SPAG16: variants seen among roughly 807,000 people sequenced by gnomAD.
The protein encoded by SPAG16 is sperm associated antigen 16, also known as sperm-associated antigen 16 protein.
SPAG16 carries 86 observed loss-of-function variants against 80.4 expected under a neutral mutation model. That is an observed-to-expected ratio of 1.07 (90% CI 0.90 to 1.28). The LOEUF is 1.28. SPAG16 is among the 50% of genes most tolerant of loss of function. SPAG16 has a pLI of 0.00. For missense variants in SPAG16, 870 were observed against 765.3 expected, an observed-to-expected ratio of 1.14 and a Z score of -1.61; for synonymous variants, 294 against 265.9, an observed-to-expected ratio of 1.11 and a Z score of -1.03.
intron 15 of SPAG16, among the ~76,000 whole-genome samples, chr2:214,345,937 C>A (rs1698020063): frequency 6.6e-6 from 1 of 152,136 alleles, no homozygotes; most frequent in African/African-American, 2.4e-5. Context: ...TAAGAATATA[C>A]TACTAATTAT....
In SPAG16 at chr2:213,924,377, C is replaced by G. The variant is rs2078366864; in HGVS notation, c.1215-5583C>G. 2.0e-5 allele frequency among the ~76,000 whole-genome samples: 3 copies of G among 152,288 alleles called. 1 individual carries two copies. In the South Asian group the frequency reaches 6.2e-4, roughly 32 times the overall value. ...CCTGGGGAGCTCTCACTCTCTCACC[C>G]TTTCCCATTTTTGTAGAGGTTCTTC... On this transcript the variant is annotated intron_variant, in intron 11 of 15. Coordinates refer to ENST00000331683, the MANE Select transcript of SPAG16 (RefSeq NM_024532.5).
At chr2:213,721,038 C>T (rs2066509965) in intron 10 of SPAG16, among the ~76,000 whole-genome samples, 2 of 152,034 alleles carry the variant, frequency 1.3e-5, no homozygotes, top group Non-Finnish European at 2.9e-5. Context: ...AGGTGTGAGC[C>T]ACCGTGCCCA....
intron 11 of SPAG16, among the ~76,000 whole-genome samples, chr2:213,871,175 A>G (rs2075928810): frequency 6.6e-6 from 1 of 152,192 alleles, no homozygotes; most frequent in Admixed American, 6.6e-5. Flanking sequence ...AAAATCTTCT[A>G]TGAATAATAT....
At chr2:214,004,665 C>A (rs1353708215) in intron 12 of SPAG16, among the ~76,000 whole-genome samples, 3 of 151,904 alleles carry the variant, frequency 2.0e-5, no homozygotes, top group East Asian at 1.9e-4. Context: ...GTAGTCAATT[C>A]TTTTGGCAGC....
At chr2:213,651,977 C>T (rs989090977) in intron 10 of SPAG16, among the ~76,000 whole-genome samples, 3 of 152,126 alleles carry the variant, frequency 2.0e-5, no homozygotes, top group Non-Finnish European at 4.4e-5. Context: ...ATTAGTCTTA[C>T]GTGCATGTAA....
rs530776726 is a variant in SPAG16, at chr2:213,666,392, G to T, written c.1070+176302G>T. ...TCTTCAGCTTGGCATATATTAACTG[G>T]GAGCAAAATTTTGACACTGCGAAAG... On this transcript the variant is annotated intron_variant, in intron 10 of 15. Transcript: ENST00000331683. 4.1e-4 allele frequency among the ~76,000 whole-genome samples: 63 copies of T among 151,904 alleles called. 1 individual carries two copies. In the Middle Eastern group the frequency reaches 0.01, roughly 25 times the overall value.
chr2:213,545,798 G>A (rs2076593092), intron 10 of SPAG16, among the ~76,000 whole-genome samples: 1 of 152,086 alleles, frequency 6.6e-6, no homozygotes, highest in African/African-American at 2.4e-5. Context: ...AGGGGTTTGT[G>A]TGATGTGATG....
intron 10 of SPAG16, among the ~76,000 whole-genome samples, chr2:213,596,669 A>C (rs1417800454): frequency 6.6e-6 from 1 of 152,168 alleles, no homozygotes; most frequent in East Asian, 1.9e-4. Context: ...CTATAATCCT[A>C]GTGGGTTGTT....
intron 9 of SPAG16, among the ~76,000 whole-genome samples, chr2:213,387,656 A>G (rs370902171): frequency 0.094 from 13,974 of 148,968 alleles, 1,687 homozygotes; most frequent in African/African-American, 0.29. Flanking sequence ...GGGTTTCACC[A>G]TTTTGGCCGG....
At position 214,011,410 on chromosome 2, in the gene SPAG16, G is replaced by A. The variant is rs531157942; in HGVS notation, c.1401-2541G>A. On this transcript the variant is annotated intron_variant, in intron 12 of 15. Transcript: ENST00000331683. Reference sequence around the variant, plus strand: ...TCATAAGTAAAACCCAAGTATACTCGTAAATATTCTAATATATTGGTATAC... The same window carrying A: ...TCATAAGTAAAACCCAAGTATACTCATAAATATTCTAATATATTGGTATAC... Among the ~76,000 whole-genome samples the A allele has an allele frequency of 3.3e-5, 4 of 119,588 alleles. 1 individual carries two copies. The South Asian group carries it at 7.4e-4, about 22-fold the overall frequency. The allele number at this position is 119,588 out of a possible 152,430, so 78.5% of individuals were successfully genotyped here. A position where few individuals can be genotyped will look rare whatever the true frequency, so the allele number is the denominator to read the frequency against.
At chr2:213,288,691 A>G (rs1322025448) in intron 1 of SPAG16, among the ~76,000 whole-genome samples, 1 of 151,618 alleles carries the variant, frequency 6.6e-6, no homozygotes, top group East Asian at 1.9e-4. Flanking sequence ...TAAGTAAAAC[A>G]TTTAGAAAGG....
intron 10 of SPAG16, among the ~76,000 whole-genome samples, chr2:213,669,739 C>G (rs2063746907): frequency 6.6e-6 from 1 of 152,120 alleles, no homozygotes; most frequent in Non-Finnish European, 1.5e-5. Context: ...AATTTCTTAA[C>G]TCTAGGCAGT....
intron 9 of SPAG16, among the ~76,000 whole-genome samples, chr2:213,390,684 G>A (rs1317908616): frequency 6.6e-6 from 1 of 152,044 alleles, no homozygotes; most frequent in Non-Finnish European, 1.5e-5. Flanking sequence ...GGCAGCAGCT[G>A]GTTTAGCAAC....
At chr2:213,741,409 C>T (rs1366155681) in intron 10 of SPAG16, among the ~76,000 whole-genome samples, 2 of 152,126 alleles carry the variant, frequency 1.3e-5, no homozygotes, top group East Asian at 1.9e-4. Context: ...GCTCCATTGC[C>T]TTCAAAAACC....
At chr2:213,914,234 C>T (rs1379828048) in intron 11 of SPAG16, among the ~76,000 whole-genome samples, 2 of 151,858 alleles carry the variant, frequency 1.3e-5, no homozygotes, top group Non-Finnish European at 2.9e-5. Context: ...ATTTAAATAA[C>T]TATAGAAAGT....
At chr2:213,557,967 C>T (rs2059481770) in intron 10 of SPAG16, among the ~76,000 whole-genome samples, 2 of 152,054 alleles carry the variant, frequency 1.3e-5, no homozygotes, top group Admixed American at 6.6e-5. Context: ...TCATTATAGG[C>T]ATTTTGTGAG....
At chr2:213,630,842 C>T (rs1371298933) in intron 10 of SPAG16, among the ~76,000 whole-genome samples, 2 of 152,056 alleles carry the variant, frequency 1.3e-5, no homozygotes, top group African/African-American at 2.4e-5. Context: ...AGATAGGCAA[C>T]GGTCTACCTG....
At chr2:214,350,203 CTT>C (rs1559233373) in intron 15 of SPAG16, among the ~76,000 whole-genome samples, 1 of 152,194 alleles carries the variant, frequency 6.6e-6, no homozygotes, top group African/African-American at 2.4e-5. Context: ...ACCTCTGAAA[CTT>C]ATATCTTCCA....
chr2:213,492,630 A>G (rs1277509732), intron 10 of SPAG16, among the ~76,000 whole-genome samples: 1 of 151,732 alleles, frequency 6.6e-6, no homozygotes, highest in African/African-American at 2.4e-5. Flanking sequence ...TAGTAAGTCT[A>G]CAATACAGTG....
Sources: gnomAD v4.1 joint callset for allele counts (sites outside exome capture counted in the v4.1 genomes callset) on GRCh38, gnomAD v4.1.1 for gene constraint, MANE v1.5 for transcripts, NCBI Gene and HGNC (gene_info 2026-07-23, HGNC 2026-07-21) for gene names.